The following DST variants were observed in gnomAD, a reference collection of about 807,000 sequenced individuals.
The protein encoded by DST is dystonin.
A neutral mutation model predicts 875.2 loss-of-function variants in DST; 253 were observed. The ratio of observed to expected loss-of-function variants is 0.29; its 90% CI spans 0.26 to 0.32. DST has a LOEUF of 0.32. Ranked by LOEUF, DST falls within the 10% of genes least tolerant of loss-of-function variation. The pLI is 1.00. For missense variants in DST, 8,287 were observed against 9,111.6 expected (o/e 0.91, Z 3.68); for synonymous variants, 3,124 against 3,197.1 (o/e 0.98, Z 0.77).
chr6:56,747,431 T>C (rs146371533), intron 4 of DST, among the ~76,000 whole-genome samples: 318 of 152,334 alleles, frequency 2.1e-3, no homozygotes, highest in African/African-American at 7.1e-3. Flanking sequence ...AGGAATTTAC[T>C]GGTATCTGTT....
At chr6:56,850,198 G>C (rs541301134) in intron 4 of DST, among the ~76,000 whole-genome samples, 1 of 152,114 alleles carries the variant, frequency 6.6e-6, no homozygotes, top group Non-Finnish European at 1.5e-5. Flanking sequence ...ATCTCACAGC[G>C]GAAGCCAGAA....
chr6:56,906,751 C>T (rs879384347), intron 2 of DST, among the ~76,000 whole-genome samples: 6 of 152,072 alleles, frequency 3.9e-5, no homozygotes, highest in Non-Finnish European at 7.4e-5. Context: ...GCCTATTAAA[C>T]CTCTGCCCCT....
At chr6:56,728,684 T>C (rs148358714) in intron 5 of DST, among the ~76,000 whole-genome samples, 41 of 151,728 alleles carry the variant, frequency 2.7e-4, no homozygotes, top group Middle Eastern at 6.8e-3. Context: ...TCAAAAAAAA[T>C]AATTAATTAA....
At chr6:56,610,704 A>G (rs563901131) in intron 38 of DST, 142 bp from the exon 39 acceptor site, 3 of 615,152 alleles carry the variant, frequency 4.9e-6, no homozygotes, top group African/African-American at 1.9e-5. Context: ...GTATGACTGT[A>G]TATGAAAATT....
intron 4 of DST, among the ~76,000 whole-genome samples, chr6:56,780,910 A>G (rs1259004619): frequency 1.4e-4 from 22 of 152,278 alleles, no homozygotes; most frequent in African/African-American, 4.1e-4. Context: ...TGTATAAGGT[A>G]TAAGGAAGGG....
intron 2 of DST, among the ~76,000 whole-genome samples, chr6:56,916,318 G>A (rs867875124): frequency 2.6e-5 from 4 of 152,292 alleles, no homozygotes; most frequent in Non-Finnish European, 1.5e-5. Flanking sequence ...CCTCCCCAGA[G>A]TTCCTGAACC....
chr6:56,849,353 T>A (rs1193117903), intron 4 of DST, among the ~76,000 whole-genome samples: 1 of 152,052 alleles, frequency 6.6e-6, no homozygotes, highest in Non-Finnish European at 1.5e-5. Flanking sequence ...ACCAGGATGG[T>A]CTCGATCTCT....
At position 56,910,466 on chromosome 6, in the gene DST, A is replaced by ATTTAT. The variant is rs141557334; in HGVS notation, c.217-9850_217-9846dup. On this transcript the variant is annotated intron_variant, in intron 2 of 103. Coordinates refer to ENST00000680361, the MANE Select transcript of DST (RefSeq NM_001374736.1). ...GCCACTGTGCCTAGCTGAATTGTAC[A>ATTTAT]TTTATTTTATTTTATTTTATTTTAT... 3.4e-3 allele frequency among the ~76,000 whole-genome samples: 521 copies of ATTTAT among 151,350 alleles called. 4 individuals carry two copies. Among genetic ancestry groups the ATTTAT allele is most frequent in the Non-Finnish European group, 5.9e-3 (398 of 67,888 alleles).
intron 61 of DST, among the ~76,000 whole-genome samples, chr6:56,548,006 A>G (rs2097257759): frequency 6.6e-6 from 1 of 152,332 alleles, no homozygotes; most frequent in Non-Finnish European, 1.5e-5. Context: ...ATGAATTACA[A>G]TTGGGGCAGC....
chr6:56,876,990 G>A (rs190342455), intron 3 of DST, among the ~76,000 whole-genome samples: 2 of 152,208 alleles, frequency 1.3e-5, no homozygotes, highest in African/African-American at 4.8e-5. Context: ...TTCCATGTCT[G>A]TATCTCCTAG....
chr6:56,819,736 A>T lies in DST; in HGVS notation c.625+31661T>A, dbSNP rs1026551308. ...ATAACATTTATAGAGGCACTCTGCA[A>T]GGGTTGGGTTAATGTTGCAATGAAC... On this transcript the variant is annotated intron_variant, in intron 4 of 103. Transcript: ENST00000680361. 2.2e-5 allele frequency among the ~76,000 whole-genome samples: 3 copies of T among 133,338 alleles called. No homozygotes were observed. In the East Asian group the frequency reaches 5.8e-4, roughly 26 times the overall value. 87.5% of individuals were successfully genotyped at this position (133,338 alleles called of 152,430 possible).
rs372556529 is a variant in DST, at chr6:56,943,485, T to C, written c.216+10300A>G. The stretch of plus-strand genomic sequence containing the variant: ...TCTTGTTGCCCAGGCTGGAGTGCAA[T>C]GGCACGATCTCAGCTCAGCTCACCG... On this transcript the variant is annotated intron_variant, in intron 2 of 103. Coordinates refer to ENST00000680361, the MANE Select transcript of DST (RefSeq NM_001374736.1). 9.9e-5 allele frequency among the ~76,000 whole-genome samples: 15 copies of C among 151,148 alleles called. No homozygotes were observed. The East Asian group carries it at 2.3e-3, about 24-fold the overall frequency.
chr6:56,797,919 C>G (rs1295686797), intron 4 of DST, among the ~76,000 whole-genome samples: 1 of 151,314 alleles, frequency 6.6e-6, no homozygotes, highest in African/African-American at 2.4e-5. Flanking sequence ...GACAGAAATT[C>G]CCTTAACCAA....
At chr6:56,574,113 TA>T (rs1277480661) in intron 50 of DST, among the ~76,000 whole-genome samples, 1 of 152,156 alleles carries the variant, frequency 6.6e-6, no homozygotes, top group African/African-American at 2.4e-5. Flanking sequence ...TTTTAAAAGT[TA>T]ATATATATCC....
At chr6:56,629,494 G>A (rs1246663575) in intron 31 of DST, 51 bp from the exon 32 acceptor site, 1 of 1,336,332 alleles carries the variant, frequency 7.5e-7, no homozygotes, top group Admixed American at 1.7e-5. Context: ...CACTCACTGG[G>A]TAAATATATT....
Position 56,604,683 on chromosome 6 carries a change from T to C in DST, c.9945A>G (p.Glu3315=), listed in dbSNP as rs780549900. The part of the protein sequence containing the change: ...NTLNTDYSFL[E]INNKKERIEQ... ...CAATTCTTTCTTTCTTATTATTAAT[T>C]TCTAAGAATGAATAGTCAGTATTTA... The change falls in exon 40 of 104, where the codon GAA becomes GAG. Residue 3315 remains glutamate, a synonymous_variant. Transcript: ENST00000680361. 6.2e-7 allele frequency: 1 copy of C among 1,611,906 alleles called. No homozygotes were observed. Among genetic ancestry groups the C allele is most frequent in the Non-Finnish European group, 8.5e-7 (1 of 1,178,716 alleles).
chr6:56,727,286 T>C (rs1245030077), intron 5 of DST, among the ~76,000 whole-genome samples: 3 of 152,214 alleles, frequency 2.0e-5, no homozygotes, highest in African/African-American at 4.8e-5. Flanking sequence ...CTATGTCTCA[T>C]GTCTCCCTAA....
At chr6:56,624,359 T>C in intron 36 of DST, 171 bp downstream of exon 36, 2 of 692,244 alleles carry the variant, frequency 2.9e-6, no homozygotes, top group South Asian at 3.1e-5. Context: ...ACAAAAATCT[T>C]AGGCCTTCAG....
At chr6:56,791,466 A>C (rs2099723435) in intron 4 of DST, among the ~76,000 whole-genome samples, 1 of 152,174 alleles carries the variant, frequency 6.6e-6, no homozygotes, top group Non-Finnish European at 1.5e-5. Flanking sequence ...TGAATAGCGA[A>C]TATCAGTAAT....
Sources: gnomAD v4.1 joint callset for allele counts (sites outside exome capture counted in the v4.1 genomes callset) on GRCh38, gnomAD v4.1.1 for gene constraint, MANE v1.5 for transcripts, NCBI Gene and HGNC (gene_info 2026-07-23, HGNC 2026-07-21) for gene names.